The following MGAT4C variants were observed in gnomAD, a reference collection of about 807,000 sequenced individuals.
The protein encoded by MGAT4C is MGAT4 family member C, also known as alpha-1,3-mannosyl-glycoprotein 4-beta-N-acetylglucosaminyltransferase C.
Under a neutral mutation model 40.1 loss-of-function variants are expected in MGAT4C, and 19 were observed. The ratio of observed to expected loss-of-function variants is 0.47; its 90% CI spans 0.33 to 0.70. The LOEUF is 0.70. Ranked by LOEUF, MGAT4C falls within the 30% of genes least tolerant of loss-of-function variation. The pLI is 0.02. For missense variants in MGAT4C, 491 were observed against 563.2 expected, an observed-to-expected ratio of 0.87 and a Z score of 1.30; for synonymous variants, 181 against 187.1, an observed-to-expected ratio of 0.97 and a Z score of 0.27.
chr12:86,489,988 G>A (rs959121994), intron 2 of MGAT4C, among the ~76,000 whole-genome samples: 8 of 152,088 alleles, frequency 5.3e-5, no homozygotes, highest in Non-Finnish European at 1.2e-4. Context: ...AACCAAGTTG[G>A]AAAACACTCT....
At position 86,230,736 on chromosome 12, in the gene MGAT4C, C is replaced by G. The variant is rs12305480; in HGVS notation, c.-57+25503G>C. Reference sequence around the variant, plus strand: ...AAACTCCAAAGAGAAAATCTCTGAGCAACACAAAAGGAATTTCACCTCTGC... The same window carrying G: ...AAACTCCAAAGAGAAAATCTCTGAGGAACACAAAAGGAATTTCACCTCTGC... On this transcript the variant is annotated intron_variant, in intron 1 of 4. Coordinates refer to ENST00000611864, the MANE Select transcript of MGAT4C (RefSeq NM_001351288.2). Among the ~76,000 whole-genome samples the G allele has an allele frequency of 7.9e-3, 1,197 of 152,194 alleles. 22 individuals carry two copies. Among genetic ancestry groups the G allele is most frequent in the African/African-American group, 0.028 (1,148 of 41,550 alleles).
rs1555227767 is a variant in MGAT4C, at chr12:86,774,315, C to CTTTCTTTCTT, written c.-261-47084_-261-47075dup. 3.5e-3 allele frequency among the ~76,000 whole-genome samples: 210 copies of CTTTCTTTCTT among 59,394 alleles called. 8 individuals are homozygous for CTTTCTTTCTT. Among genetic ancestry groups the CTTTCTTTCTT allele is most frequent in the Non-Finnish European group, 6.0e-3 (159 of 26,360 alleles). 39.0% of individuals were successfully genotyped at this position (59,394 alleles called of 152,430 possible). ...TCTTTCTTTCTTTCTTTCTTTCTTTCTTTCTTTCTTTCTTTCTTTCTTTCT... is the reference window on the plus strand; with the variant it reads ...TCTTTCTTTCTTTCTTTCTTTCTTTCTTTCTTTCTTTTTCTTTCTTTCTTTCTTTCTTTCT... On this transcript the variant is annotated intron_variant, in intron 1 of 7. Transcript: ENST00000548651.
chr12:86,825,729 TATC>T (rs1373750258), intron 1 of MGAT4C, among the ~76,000 whole-genome samples: 2 of 151,426 alleles, frequency 1.3e-5, no homozygotes, highest in Non-Finnish European at 3.0e-5. Flanking sequence ...GATTTAAACT[TATC>T]ATCACTGGCT....
At chr12:86,294,999 G>T (rs1378830771) in intron 4 of MGAT4C, among the ~76,000 whole-genome samples, 4 of 152,082 alleles carry the variant, frequency 2.6e-5, no homozygotes, top group African/African-American at 9.7e-5. Context: ...AAATTTCTCA[G>T]TTCATCTTTC....
At chr12:86,082,277 A>G (rs1592885660) in intron 1 of MGAT4C, among the ~76,000 whole-genome samples, 1 of 152,126 alleles carries the variant, frequency 6.6e-6, no homozygotes, top group East Asian at 1.9e-4. Context: ...TCAGCTGCAA[A>G]ATGAAGGCTT....
At chr12:86,313,843 A>G (rs933502445) in intron 4 of MGAT4C, among the ~76,000 whole-genome samples, 3 of 152,200 alleles carry the variant, frequency 2.0e-5, no homozygotes, top group African/African-American at 7.2e-5. Context: ...ATGATCTACA[A>G]TGTCTATAGA....
At chr12:86,796,846 A>C (rs1952132558) in intron 1 of MGAT4C, among the ~76,000 whole-genome samples, 1 of 151,936 alleles carries the variant, frequency 6.6e-6, no homozygotes, top group Non-Finnish European at 1.5e-5. Context: ...ACTTAGATTT[A>C]GTCATTCCAA....
chr12:86,200,159 TG>T (rs1225991660), intron 1 of MGAT4C, among the ~76,000 whole-genome samples: 3 of 149,028 alleles, frequency 2.0e-5, no homozygotes, highest in Admixed American at 6.7e-5. Flanking sequence ...ATCTGGCTTT[TG>T]TTTTTTTTTG....
intron 2 of MGAT4C, among the ~76,000 whole-genome samples, chr12:85,993,151 G>A (rs1419235818): frequency 6.6e-6 from 1 of 152,166 alleles, no homozygotes; most frequent in South Asian, 2.1e-4. Context: ...GGTATATAGA[G>A]GCTTTCTAGA....
Position 85,969,591 on chromosome 12 carries a change from A to C in MGAT4C, c.*9698T>G, listed in dbSNP as rs957741387. 8 of 151,662 alleles carry C rather than the reference A, an allele frequency of 5.3e-5. No individual in the cohort carries two copies. Among genetic ancestry groups the C allele is most frequent in the African/African-American group, 1.9e-4 (8 of 41,426 alleles). The allele number at this position is 151,662 out of a possible 1,614,324, so 9.4% of individuals were successfully genotyped here. ...AAAAAATGAGAAAAAAATGTTTTAC[A>C]TGAAGAAACTAATTATTTAAATTCA... is the stretch of plus-strand genomic sequence containing the variant. On this transcript the variant is annotated 3_prime_UTR_variant, in exon 5 of 5. Coordinates refer to ENST00000611864, the MANE Select transcript of MGAT4C (RefSeq NM_001351288.2).
chr12:86,394,528 A>T (rs1956215000), intron 3 of MGAT4C, among the ~76,000 whole-genome samples: 1 of 144,228 alleles, frequency 6.9e-6, no homozygotes. Flanking sequence ...ATATTTATAT[A>T]TTTTATACAT....
chr12:86,546,558 A>C (rs1209742175), intron 2 of MGAT4C, among the ~76,000 whole-genome samples: 1 of 152,078 alleles, frequency 6.6e-6, no homozygotes, highest in African/African-American at 2.4e-5. Context: ...GCATCAAGTA[A>C]AACTAAACTT....
chr12:85,969,663 A>G lies in MGAT4C; in HGVS notation c.*9626T>C, dbSNP rs1883527272. Reference sequence around the variant, plus strand: ...TTTTAATATAGTCATATCATCCAGAAAATCCCATCTTAGACAAATGGGTTT... The same window carrying G: ...TTTTAATATAGTCATATCATCCAGAGAATCCCATCTTAGACAAATGGGTTT... On this transcript the variant is annotated 3_prime_UTR_variant, in exon 5 of 5. Coordinates refer to ENST00000611864, the MANE Select transcript of MGAT4C (RefSeq NM_001351288.2). The G allele has an allele frequency of 6.6e-6, 1 of 151,574 alleles. No homozygotes were observed. The highest frequency in any genetic ancestry group is 1.5e-5 in the Non-Finnish European group (1 of 67,586). The allele number at this position is 151,574 out of a possible 1,614,324, so 9.4% of individuals were successfully genotyped here. A position where few individuals can be genotyped will look rare whatever the true frequency, so the allele number is the denominator to read the frequency against.
intron 2 of MGAT4C, among the ~76,000 whole-genome samples, chr12:86,628,938 GAC>G (rs1962920888): frequency 1.3e-5 from 2 of 151,954 alleles, no homozygotes; most frequent in African/African-American, 2.4e-5. Flanking sequence ...CCAATTAAAA[GAC>G]ACAGACTGGC....
chr12:86,076,878 G>A lies in MGAT4C; in HGVS notation c.-56-27155C>T, dbSNP rs71452131. Among the ~76,000 whole-genome samples the A allele has an allele frequency of 5.7e-3, 866 of 152,270 alleles. 6 individuals are homozygous for A. The highest frequency in any genetic ancestry group is 0.01 in the Non-Finnish European group (710 of 68,016). The stretch of plus-strand genomic sequence containing the variant: ...ACACAATAAGCCATCTGCAGGCTGA[G>A]GAGCAAGGAGAGCCAGTCCAAGTTC... On this transcript the variant is annotated intron_variant, in intron 1 of 4. Coordinates refer to ENST00000611864, the MANE Select transcript of MGAT4C (RefSeq NM_001351288.2).
At chr12:86,728,135 G>A (rs557334208) in intron 1 of MGAT4C, among the ~76,000 whole-genome samples, 21 of 152,208 alleles carry the variant, frequency 1.4e-4, no homozygotes, top group Non-Finnish European at 2.5e-4. Context: ...ATGTGTTTAC[G>A]CAATAAATGA....
chr12:86,593,498 T>C (rs936355990), intron 2 of MGAT4C, among the ~76,000 whole-genome samples: 5 of 152,144 alleles, frequency 3.3e-5, no homozygotes, highest in African/African-American at 4.8e-5. Context: ...TTTCAATATA[T>C]GCATCTGCAG....
chr12:86,293,934 C>T lies in MGAT4C; in HGVS notation c.-57+40131G>A, dbSNP rs560257255. On this transcript the variant is annotated intron_variant, in intron 4 of 7. Transcript: ENST00000548651. Reference sequence around the variant, plus strand: ...ATGCGGAACTGTGAGTCAACTAAACCTCTTTCCTTTATGAATTAATCCATA... The same window carrying T: ...ATGCGGAACTGTGAGTCAACTAAACTTCTTTCCTTTATGAATTAATCCATA... 5.3e-5 allele frequency among the ~76,000 whole-genome samples: 8 copies of T among 152,176 alleles called. No individual in the cohort carries two copies. The East Asian group carries it at 9.7e-4, about 18-fold the overall frequency.
chr12:86,323,130 G>GTTT (rs931196996), intron 4 of MGAT4C, among the ~76,000 whole-genome samples: 1 of 141,394 alleles, frequency 7.1e-6, no homozygotes, highest in Non-Finnish European at 1.6e-5. Flanking sequence ...TTTCTTGGAA[G>GTTT]TTTTTTTTTT....
Sources: gnomAD v4.1 joint callset for allele counts (sites outside exome capture counted in the v4.1 genomes callset) on GRCh38, gnomAD v4.1.1 for gene constraint, MANE v1.5 for transcripts, NCBI Gene and HGNC (gene_info 2026-07-23, HGNC 2026-07-21) for gene names.